LUZP2: variants seen among roughly 807,000 people sequenced by gnomAD.
LUZP2 encodes the protein leucine zipper protein 2.
Under a neutral mutation model 51.6 loss-of-function variants are expected in LUZP2, and 52 were observed. That is an observed-to-expected ratio of 1.01 (90% confidence interval 0.81 to 1.27). The LOEUF (loss-of-function observed/expected upper bound fraction) is 1.27. LUZP2 is among the 50% of genes most tolerant of loss of function. The probability of loss-of-function intolerance (pLI) is 0.00; values close to 1 mark genes in which losing one functional copy is unlikely to be tolerated. For synonymous variants in LUZP2, 154 were observed against 137.3 expected (o/e 1.12, Z -0.85); for missense variants, 436 against 395.4 (o/e 1.10, Z -0.87).
chr11:24,706,850 CATA>C (rs892427953), intron 1 of LUZP2, among the ~76,000 whole-genome samples: 2 of 151,856 alleles, frequency 1.3e-5, no homozygotes, highest in Non-Finnish European at 2.9e-5. Context: ...TCATCTCCAC[CATA>C]ATAACTCCTT....
At chr11:25,029,381 A>G (rs1436090293) in intron 9 of LUZP2, among the ~76,000 whole-genome samples, 1 of 152,168 alleles carries the variant, frequency 6.6e-6, no homozygotes, top group East Asian at 1.9e-4. Context: ...ATTTTTAAAA[A>G]TAAATTTAGA....
chr11:24,619,658 T>C (rs1477356880), intron 1 of LUZP2, among the ~76,000 whole-genome samples: 1 of 152,184 alleles, frequency 6.6e-6, no homozygotes, highest in South Asian at 2.1e-4. Flanking sequence ...GAAACCAATA[T>C]CAGAGGATGC....
At chr11:24,934,816 A>C (rs1388987146) in intron 7 of LUZP2, among the ~76,000 whole-genome samples, 2 of 152,150 alleles carry the variant, frequency 1.3e-5, no homozygotes, top group Non-Finnish European at 2.9e-5. Flanking sequence ...TCATATTTGA[A>C]GTAGCTCCTA....
At chr11:24,582,721 T>G (rs538758328) in intron 1 of LUZP2, among the ~76,000 whole-genome samples, 26 of 152,196 alleles carry the variant, frequency 1.7e-4, no homozygotes, top group African/African-American at 4.6e-4. Flanking sequence ...CTAGAAGAAA[T>G]GTGTGCCTGG....
chr11:24,832,743 A>G (rs17307208), intron 5 of LUZP2, among the ~76,000 whole-genome samples: 26,774 of 151,966 alleles, frequency 0.18, 2,451 homozygotes, highest in East Asian at 0.24. Context: ...GTTCTAAAAG[A>G]GAAGTTTTCA....
At chr11:24,872,301 T>C (rs550582187) in intron 5 of LUZP2, among the ~76,000 whole-genome samples, 2 of 152,280 alleles carry the variant, frequency 1.3e-5, no homozygotes, top group Non-Finnish European at 2.9e-5. Flanking sequence ...TCTTCTAATA[T>C]GCTCTGCACA....
intron 4 of LUZP2, among the ~76,000 whole-genome samples, chr11:24,745,429 T>G (rs1859343859): frequency 6.6e-6 from 1 of 152,180 alleles, no homozygotes; most frequent in South Asian, 2.1e-4. Context: ...GATATTTTCT[T>G]GTTGGACAAG....
rs377163542 is a variant in LUZP2, at chr11:24,798,351, C to A, written c.396+35043C>A. Reference sequence around the variant, plus strand: ...TAGTTGGGACTAAAAGCACACACCACCATGCCAAGCTAATGTTTTATTGCT... The same window carrying A: ...TAGTTGGGACTAAAAGCACACACCAACATGCCAAGCTAATGTTTTATTGCT... On this transcript the variant is annotated intron_variant, in intron 5 of 11. Coordinates refer to ENST00000336930, the MANE Select transcript of LUZP2 (RefSeq NM_001009909.4). 2.6e-4 allele frequency among the ~76,000 whole-genome samples: 40 copies of A among 152,090 alleles called. 1 individual carries two copies. The East Asian group carries it at 5.3e-3, about 20-fold the overall frequency.
intron 1 of LUZP2, chr11:24,701,422 G>T: frequency 6.0e-6 from 1 of 167,292 alleles, no homozygotes. Flanking sequence ...TCAGACAAAC[G>T]AATGTAAAGG....
At chr11:24,841,474 T>C (rs1851031423) in intron 5 of LUZP2, among the ~76,000 whole-genome samples, 1 of 152,050 alleles carries the variant, frequency 6.6e-6, no homozygotes, top group Admixed American at 6.6e-5. Context: ...GCAGATATGG[T>C]AGGTAAGAAT....
intron 5 of LUZP2, among the ~76,000 whole-genome samples, chr11:24,903,171 A>T (rs1361733227): frequency 2.6e-5 from 4 of 152,184 alleles, no homozygotes; most frequent in African/African-American, 9.7e-5. Flanking sequence ...ATATCAGTGT[A>T]CATCCCTTTA....
intron 5 of LUZP2, among the ~76,000 whole-genome samples, chr11:24,825,725 G>T (rs575935922): frequency 1.4e-5 from 2 of 138,584 alleles, no homozygotes; most frequent in South Asian, 2.1e-4. Context: ...TACTTATTTC[G>T]ACAGAAATCC....
chr11:25,067,316 C>A (rs2134049838), intron 10 of LUZP2, among the ~76,000 whole-genome samples: 1 of 152,048 alleles, frequency 6.6e-6, no homozygotes, highest in Non-Finnish European at 1.5e-5. Context: ...AAATTTTCTC[C>A]CATTCTATAG....
chr11:24,543,989 T>C (rs1851461404), intron 1 of LUZP2, among the ~76,000 whole-genome samples: 1 of 152,046 alleles, frequency 6.6e-6, no homozygotes, highest in African/African-American at 2.4e-5. Context: ...TGCTTGCCAC[T>C]CAGAGCCTGA....
chr11:24,731,942 T>C (rs887178541), intron 2 of LUZP2, among the ~76,000 whole-genome samples, 176 bp from the exon 3 acceptor site: 1 of 151,708 alleles, frequency 6.6e-6, no homozygotes, highest in South Asian at 2.1e-4. Context: ...CACTGTGTAG[T>C]TGGGTGTCAT....
chr11:24,565,133 G>A (rs754215996), intron 1 of LUZP2, among the ~76,000 whole-genome samples: 30 of 152,222 alleles, frequency 2.0e-4, no homozygotes, highest in Non-Finnish European at 3.7e-4. Context: ...CCAAAAAATT[G>A]GGATTGTCAC....
At chr11:24,677,704 T>C (rs1164572183) in intron 1 of LUZP2, among the ~76,000 whole-genome samples, 1 of 152,192 alleles carries the variant, frequency 6.6e-6, no homozygotes, top group African/African-American at 2.4e-5. Flanking sequence ...TTACATGCAT[T>C]CATACATATG....
chr11:24,618,559 G>T (rs1605872), intron 1 of LUZP2, among the ~76,000 whole-genome samples: 1 of 152,006 alleles, frequency 6.6e-6, no homozygotes, highest in Non-Finnish European at 1.5e-5. Context: ...GAGACAACAT[G>T]CTTCTGTTGG....
In LUZP2 at chr11:24,918,173, G is replaced by T. The variant is rs1250060998; in HGVS notation, c.522+3635G>T. ...GTGTATAAGAATGCTTGTGATTTTTGGACATTGATTTTGCATCCTGAGACT... is the reference window on the plus strand; with the variant it reads ...GTGTATAAGAATGCTTGTGATTTTTTGACATTGATTTTGCATCCTGAGACT... On this transcript the variant is annotated intron_variant, in intron 7 of 11. Coordinates refer to ENST00000336930, the MANE Select transcript of LUZP2 (RefSeq NM_001009909.4). Among the ~76,000 whole-genome samples, 8 of 151,952 alleles carry T rather than the reference G, an allele frequency of 5.3e-5. No homozygotes were observed. In the East Asian group the frequency reaches 1.4e-3, roughly 26 times the overall value.
Sources: gnomAD v4.1 joint callset for allele counts (sites outside exome capture counted in the v4.1 genomes callset) on GRCh38, gnomAD v4.1.1 for gene constraint, MANE v1.5 for transcripts, NCBI Gene and HGNC (gene_info 2026-07-23, HGNC 2026-07-21) for gene names.